CASZ1: variants seen among roughly 807,000 people sequenced by gnomAD.
CASZ1 encodes castor zinc finger 1, also known as zinc finger protein castor homolog 1.
In CASZ1, 28 loss-of-function variants were observed where a neutral mutation model predicts 135.2. The observed-to-expected ratio is 0.21, with a 90% confidence interval of 0.15 to 0.28. The LOEUF (loss-of-function observed/expected upper bound fraction) is 0.28. Ranked by LOEUF, CASZ1 falls within the 10% of genes least tolerant of loss-of-function variation. CASZ1 has a pLI of 1.00. For synonymous variants in CASZ1, 1,068 were observed against 1,073.4 expected, an observed-to-expected ratio of 0.99 and a Z score of 0.10; for missense variants, 2,161 against 2,453.3, an observed-to-expected ratio of 0.88 and a Z score of 2.52.
rs1264586199 is a variant in CASZ1 at position 10,706,382 on chromosome 1, C to T, written c.-76-838G>A. Among the ~76,000 whole-genome samples the T allele has an allele frequency of 6.6e-6, 1 of 152,226 alleles. No homozygotes were observed. The highest frequency in any genetic ancestry group is 1.5e-5 in the Non-Finnish European group (1 of 68,044). On this transcript the variant is annotated intron_variant, in intron 2 of 20. Transcript: ENST00000377022. The surrounding 1 kb of genome is among the most constrained non-coding windows in gnomAD (Gnocchi z 4.3). ...CCCCCCAACCCTTGCTCAAGCCAGG[C>T]CCTGCCCCTGCAGGCCTCAGAACCC...
In CASZ1 at chr1:10,777,964, C is replaced by T. The variant is rs565950680; in HGVS notation, c.-233-17107G>A. Reference sequence around the variant, plus strand: ...ACACTATGTCACAACCACATACAATCTCATACGCAATCGCATACACAATCT... The same window carrying T: ...ACACTATGTCACAACCACATACAATTTCATACGCAATCGCATACACAATCT... On this transcript the variant is annotated intron_variant, in intron 1 of 20. Coordinates refer to ENST00000377022, the MANE Select transcript of CASZ1 (RefSeq NM_001079843.3). This position sits in a 1 kb window ranked among gnomAD's most constrained non-coding sequence, Gnocchi z 4.4. Among the ~76,000 whole-genome samples, 3 of 152,134 alleles carry T rather than the reference C, an allele frequency of 2.0e-5. No individual in the cohort carries two copies. Among genetic ancestry groups the T allele is most frequent in the South Asian group, 4.2e-4 (2 of 4,812 alleles).
chr1:10,657,793 TG>T lies in CASZ1; in HGVS notation c.1409+714del, dbSNP rs1368883274. On this transcript the variant is annotated intron_variant, in intron 7 of 20. Coordinates refer to ENST00000377022, the MANE Select transcript of CASZ1 (RefSeq NM_001079843.3). This position sits in a 1 kb window ranked among gnomAD's most constrained non-coding sequence, Gnocchi z 5.7. ...TGCTGCCCCATCAGAGGGCAGGCGG[TG>T]GGGGGGTGGGGGCGGGGGGTGTTAT... Among the ~76,000 whole-genome samples, 1 of 2,436 alleles carries T rather than the reference TG, an allele frequency of 4.1e-4. No individual in the cohort carries two copies. The highest frequency in any genetic ancestry group is 8.4e-4 in the Non-Finnish European group (1 of 1,184). 1.6% of individuals were successfully genotyped at this position (2,436 alleles called of 152,430 possible).
At chr1:10,674,924 C>T (rs1183139192) in intron 4 of CASZ1, among the ~76,000 whole-genome samples, 5 of 152,226 alleles carry the variant, frequency 3.3e-5, no homozygotes, top group African/African-American at 1.2e-4. Flanking sequence ...GGCCCTCTGT[C>T]GTGGCAGCAG....
intron 4 of CASZ1, among the ~76,000 whole-genome samples, chr1:10,685,194 G>A (rs1030428669): frequency 5.9e-5 from 9 of 152,350 alleles, no homozygotes; most frequent in Middle Eastern, 3.4e-3. Context: ...TCACCACTGC[G>A]GCCGGGCCCT....
chr1:10,774,100 C>T lies in CASZ1; in HGVS notation c.-233-13243G>A, dbSNP rs2100598880. Among the ~76,000 whole-genome samples the T allele has an allele frequency of 6.6e-6, 1 of 152,276 alleles. No individual in the cohort carries two copies. Among genetic ancestry groups the T allele is most frequent in the Admixed American group, 6.5e-5 (1 of 15,308 alleles). On this transcript the variant is annotated intron_variant, in intron 1 of 20. Coordinates refer to ENST00000377022, the MANE Select transcript of CASZ1 (RefSeq NM_001079843.3). This position sits in a 1 kb window ranked among gnomAD's most constrained non-coding sequence, Gnocchi z 4.4. ...GAGGCCAGGTGCTCCTGGGGTCCTC[C>T]ACCGCCAGGCCCACAAGGGGCACTG...
rs12143134 is a variant in CASZ1 at position 10,649,210 on chromosome 1, C to T, written c.3036-18G>A. 0.13 allele frequency: 214,960 copies of T among 1,612,266 alleles called. 15,129 individuals are homozygous for T. The highest frequency in any genetic ancestry group is 0.19 in the South Asian group (17,448 of 91,022). On this transcript the variant is annotated intron_variant, in intron 14 of 20. Transcript: ENST00000377022. ...TACCAAACCTAGCCAGAGGAGCTGG[C>T]GTTAGAGGAGAGCCTGGGGCTCCAG...
At chr1:10,658,251 C>A (rs1019181852) in intron 7 of CASZ1, 3 of 487,952 alleles carry the variant, frequency 6.1e-6, no homozygotes, top group Non-Finnish European at 1.1e-5. Flanking sequence ...CCAGGCCCTG[C>A]GTCGGGACCC....
chr1:10,780,856 T>C (rs1352570720), intron 1 of CASZ1, among the ~76,000 whole-genome samples: 1 of 152,182 alleles, frequency 6.6e-6, no homozygotes, highest in Non-Finnish European at 1.5e-5. Context: ...ACAATGGGAA[T>C]CGAACCACTG....
chr1:10,765,873 A>C (rs936778802), intron 1 of CASZ1, among the ~76,000 whole-genome samples: 11 of 152,176 alleles, frequency 7.2e-5, no homozygotes, highest in Non-Finnish European at 1.5e-4. Flanking sequence ...CACAGTTACT[A>C]TCTGTCTCCT....
At chr1:10,640,301 C>T (rs45606034) in intron 20 of CASZ1, among the ~76,000 whole-genome samples, 20,144 of 152,258 alleles carry the variant, frequency 0.13, 1,516 homozygotes, top group Middle Eastern at 0.26. Context: ...GCCTCTCCCC[C>T]GGGGGGTGGC....
intron 1 of CASZ1, among the ~76,000 whole-genome samples, chr1:10,795,745 GC>G (rs199635199): frequency 0.02 from 2,990 of 152,136 alleles, 43 homozygotes; most frequent in Middle Eastern, 0.12. Context: ...AACGCCACTT[GC>G]CGCGCCTGGA....
chr1:10,735,365 G>C lies in CASZ1; in HGVS notation c.-77+25336C>G, dbSNP rs565781457. On this transcript the variant is annotated intron_variant, in intron 2 of 20. Transcript: ENST00000377022. This position sits in a 1 kb window ranked among gnomAD's most constrained non-coding sequence, Gnocchi z 5.1. ...GCCCCAAGCTGCATTCTGAGCTGAC[G>C]AGAGAGGCGCCTGCAAACGCAGGCG... 2.0e-5 allele frequency among the ~76,000 whole-genome samples: 3 copies of C among 152,156 alleles called. No individual in the cohort carries two copies. The highest frequency in any genetic ancestry group is 2.9e-5 in the Non-Finnish European group (2 of 68,032).
Position 10,654,403 on chromosome 1 carries a change from C to A in CASZ1, c.1838+16G>T, listed in dbSNP as rs776572078. The stretch of plus-strand genomic sequence containing the variant: ...CCGCTTCTGCCCACGAAGGCCCCCA[C>A]CAGGCTCCCGCTTACCTGCAGTGGA... On this transcript the variant is annotated intron_variant, in intron 10 of 20. Coordinates refer to ENST00000377022, the MANE Select transcript of CASZ1 (RefSeq NM_001079843.3). The A allele has an allele frequency of 1.9e-5, 30 of 1,610,676 alleles. No individual in the cohort carries two copies. The highest frequency in any genetic ancestry group is 1.7e-4 in the Middle Eastern group (1 of 6,054).
At chr1:10,714,398 G>A (rs1639340949) in intron 2 of CASZ1, among the ~76,000 whole-genome samples, 1 of 152,232 alleles carries the variant, frequency 6.6e-6, no homozygotes. Flanking sequence ...GCACAGCTAG[G>A]ATGAGGCACA....
In CASZ1 at chr1:10,694,235, C is replaced by T; in HGVS notation, c.-23-323G>A. 1.4e-6 allele frequency: 1 copy of T among 729,130 alleles called. No individual in the cohort carries two copies. The highest frequency in any genetic ancestry group is 1.7e-6 in the Non-Finnish European group (1 of 596,014). The allele number at this position is 729,130 out of a possible 1,614,324, so 45.2% of individuals were successfully genotyped here. On this transcript the variant is annotated intron_variant, in intron 3 of 20. Coordinates refer to ENST00000377022, the MANE Select transcript of CASZ1 (RefSeq NM_001079843.3). This position sits in a 1 kb window ranked among gnomAD's most constrained non-coding sequence, Gnocchi z 6.6. ...CCCCCGTCCCGCCGACCGCGCCCCG[C>T]GCCCGGGTCGCCGCCCGAGACCGCG...
rs943137102 is a variant in CASZ1, at chr1:10,725,564, T to G, written c.-76-20020A>C. On this transcript the variant is annotated intron_variant, in intron 2 of 20. Coordinates refer to ENST00000377022, the MANE Select transcript of CASZ1 (RefSeq NM_001079843.3). The surrounding 1 kb of genome is among the most constrained non-coding windows in gnomAD (Gnocchi z 4.4). Reference sequence around the variant, plus strand: ...CAAAAAGAGTTCAGAATTTTAATGGTGTTGTAAGTAATTTTTAGGTAATCC... The same window carrying G: ...CAAAAAGAGTTCAGAATTTTAATGGGGTTGTAAGTAATTTTTAGGTAATCC... Among the ~76,000 whole-genome samples the G allele has an allele frequency of 6.6e-6, 1 of 152,214 alleles. No homozygotes were observed. The highest frequency in any genetic ancestry group is 1.5e-5 in the Non-Finnish European group (1 of 68,036).
intron 6 of CASZ1, among the ~76,000 whole-genome samples, chr1:10,659,446 G>A (rs1219986817): frequency 6.6e-6 from 1 of 152,224 alleles, no homozygotes; most frequent in African/African-American, 2.4e-5. Flanking sequence ...CGCAGGTCCA[G>A]GAGCGGGGGG....
intron 1 of CASZ1, among the ~76,000 whole-genome samples, chr1:10,793,030 A>T (rs1485407701): frequency 6.6e-6 from 1 of 152,094 alleles, no homozygotes; most frequent in African/African-American, 2.4e-5. Flanking sequence ...TAAATTAAAA[A>T]GGGGTGGGGG....
rs773590737 is a variant in CASZ1 at position 10,665,108 on chromosome 1, G to A, written c.480C>T (p.Ser160=). Residue 160 remains serine, a synonymous_variant, in exon 5 of 21, where the codon AGC becomes AGT. Transcript: ENST00000377022. ...CTGAAGCCTGCCTGGTGCTGGGGCC[G>A]CTGTCCTCCTTGGAGGCTGCCCCGT... ...DSDGAASKED[S]GPSTRQASGE... is the part of the protein sequence containing the mutation. 18 of 1,507,994 alleles carry A rather than the reference G, an allele frequency of 1.2e-5. No homozygotes were observed. In the African/African-American group the frequency reaches 2.1e-4, roughly 18 times the overall value. The allele number at this position is 1,507,994 out of a possible 1,614,324, so 93.4% of individuals were successfully genotyped here. A position where few individuals can be genotyped will look rare whatever the true frequency, so the allele number is the denominator to read the frequency against.
Sources: allele counts gnomAD v4.1 joint callset (sites outside exome capture counted in the v4.1 genomes callset), GRCh38; gene constraint gnomAD v4.1.1; non-coding constraint Gnocchi (gnomAD v3.1); transcripts MANE v1.5; gene names NCBI Gene and HGNC (gene_info 2026-07-23, HGNC 2026-07-21).